USP25: variants seen among roughly 807,000 people sequenced by gnomAD.
USP25 encodes the protein ubiquitin carboxyl-terminal hydrolase 25.
USP25 carries 85 observed loss-of-function variants against 158.5 expected under a neutral mutation model. The observed-to-expected ratio is 0.54, with a 90% CI of 0.45 to 0.64. The LOEUF is 0.64. Ranked by LOEUF, USP25 falls within the 30% of genes least tolerant of loss-of-function variation. The probability of loss-of-function intolerance (pLI) is 0.00; values close to 1 mark genes in which losing one functional copy is unlikely to be tolerated. For missense variants in USP25, 1,242 were observed against 1,327.3 expected (o/e 0.94, Z 1.00); for synonymous variants, 464 against 460.4 (o/e 1.01, Z -0.10).
At chr21:15,792,815 A>C (rs2035662009) in intron 5 of USP25, among the ~76,000 whole-genome samples, 1 of 151,540 alleles carries the variant, frequency 6.6e-6, no homozygotes. Context: ...GCTGTGGTGC[A>C]TCCTAATAAG....
intron 20 of USP25, among the ~76,000 whole-genome samples, chr21:15,858,216 A>T (rs1185887506): frequency 6.6e-6 from 1 of 152,048 alleles, no homozygotes. Context: ...ATCAATTGCC[A>T]CTTCCTTTCC....
intron 20 of USP25, among the ~76,000 whole-genome samples, chr21:15,860,715 G>A (rs1286955890): frequency 1.3e-5 from 2 of 152,016 alleles, no homozygotes; most frequent in African/African-American, 4.8e-5. Flanking sequence ...TTAAAAAATA[G>A]CCCATAAGCA....
intron 4 of USP25, among the ~76,000 whole-genome samples, chr21:15,791,113 T>C (rs991889637): frequency 2.0e-5 from 3 of 151,882 alleles, no homozygotes; most frequent in African/African-American, 7.2e-5. Context: ...TTTAATGTTT[T>C]CTTGATTCAG....
At chr21:15,834,983 T>A (rs1482878204) in intron 17 of USP25, among the ~76,000 whole-genome samples, 1 of 152,240 alleles carries the variant, frequency 6.6e-6, no homozygotes, top group East Asian at 1.9e-4. Flanking sequence ...CTTTCATTTT[T>A]AAAACATTTC....
intron 1 of USP25, among the ~76,000 whole-genome samples, chr21:15,733,757 G>A (rs2031199606): frequency 6.6e-6 from 1 of 152,118 alleles, no homozygotes; most frequent in South Asian, 2.1e-4. Flanking sequence ...CAGGAGAATC[G>A]CTTGAACTCG....
chr21:15,751,320 A>G (rs1301501619), intron 1 of USP25, among the ~76,000 whole-genome samples: 1 of 152,234 alleles, frequency 6.6e-6, no homozygotes, highest in East Asian at 1.9e-4. Context: ...CCAAGAGACC[A>G]TAGGACATAT....
At chr21:15,741,006 G>A (rs1210246661) in intron 1 of USP25, among the ~76,000 whole-genome samples, 2 of 151,846 alleles carry the variant, frequency 1.3e-5, no homozygotes, top group East Asian at 3.9e-4. Context: ...CACAAAATTT[G>A]TCCTGTATCA....
rs369918602 is a variant in USP25 at position 15,766,103 on chromosome 21, A to G, written c.230A>G (p.Asn77Ser). 2.5e-6 allele frequency: 4 copies of G among 1,610,014 alleles called. No individual in the cohort carries two copies. The highest frequency in any genetic ancestry group is 2.7e-5 in the African/African-American group (2 of 74,882). Residue 77 changes from asparagine (N) to serine (S), a missense_variant, in exon 3 of 26, where the codon AAT (asparagine) becomes AGT (serine). Physicochemically the swap from Asn to Ser is conservative, Grantham distance 46. Transcript: ENST00000400183. The surrounding 1 kb of genome is among the most constrained non-coding windows in gnomAD (Gnocchi z 4.0). ...TTYYQTALPGNDRYISVGSQA... is the reference protein window; with the variant it reads ...TTYYQTALPGSDRYISVGSQA... ...TACTACCAAACAGCACTTCCTGGCA[A>G]TGATAGATACATCAGTGTGGGAAGC...
At chr21:15,769,018 T>A (rs1240554153) in intron 3 of USP25, among the ~76,000 whole-genome samples, 5 of 152,126 alleles carry the variant, frequency 3.3e-5, no homozygotes, top group Admixed American at 2.6e-4. Flanking sequence ...TACAATGGAC[T>A]GTTTCTTTTA....
chr21:15,767,438 A>G (rs1218045740), intron 3 of USP25, among the ~76,000 whole-genome samples: 1 of 152,008 alleles, frequency 6.6e-6, no homozygotes, highest in African/African-American at 2.4e-5. Flanking sequence ...GTCTTAATGA[A>G]TACTCTGTTA....
At chr21:15,742,952 C>T (rs773580104) in intron 1 of USP25, among the ~76,000 whole-genome samples, 2 of 152,230 alleles carry the variant, frequency 1.3e-5, no homozygotes, top group Non-Finnish European at 2.9e-5. Flanking sequence ...ATGAGGGGAA[C>T]GTGGTGGAAC....
Position 15,836,345 on chromosome 21 carries a change from C to T in USP25, c.2194+2797C>T, listed in dbSNP as rs549348896. On this transcript the variant is annotated intron_variant, in intron 17 of 25. Coordinates refer to ENST00000400183, the MANE Select transcript of USP25 (RefSeq NM_001283041.3). The stretch of plus-strand genomic sequence containing the variant: ...CTAAAATGTGATCGAGAAATTCATG[C>T]GTATCAGTTCACCAGCACCATTCGT... 1.1e-4 allele frequency among the ~76,000 whole-genome samples: 17 copies of T among 152,268 alleles called. No individual in the cohort carries two copies. In the South Asian group the frequency reaches 1.2e-3, roughly 11 times the overall value.
chr21:15,741,112 C>T (rs995417580), intron 1 of USP25, among the ~76,000 whole-genome samples: 1 of 149,224 alleles, frequency 6.7e-6, no homozygotes. Flanking sequence ...TGGGTCTTCA[C>T]ATCGATTTGT....
At chr21:15,765,388 T>G (rs541086803) in intron 2 of USP25, among the ~76,000 whole-genome samples, 1 of 152,160 alleles carries the variant, frequency 6.6e-6, no homozygotes, top group Non-Finnish European at 1.5e-5. Flanking sequence ...AGCTATACTT[T>G]TGATGAGAAC....
chr21:15,824,317 A>T, intron 11 of USP25, 151 bp downstream of exon 11: 1 of 864,994 alleles, frequency 1.2e-6, no homozygotes, highest in East Asian at 3.0e-5. Flanking sequence ...GATGAAATTT[A>T]CTTTGTATTA....
rs192927567 is a variant in USP25 at position 15,863,588 on chromosome 21, G to A, written c.2548-680G>A. Among the ~76,000 whole-genome samples, 502 of 152,186 alleles carry A rather than the reference G, an allele frequency of 3.3e-3. 17 individuals are homozygous for A. The highest frequency in any genetic ancestry group is 0.031 in the Admixed American group (467 of 15,282). Reference sequence around the variant, plus strand: ...GATGCTTAGAAAGGTAAAACAGAACGGGAAAACTTACCATCTCCATCTTAT... The same window carrying A: ...GATGCTTAGAAAGGTAAAACAGAACAGGAAAACTTACCATCTCCATCTTAT... On this transcript the variant is annotated intron_variant, in intron 20 of 25. Transcript: ENST00000400183.
chr21:15,763,022 C>T (rs368036507), intron 2 of USP25, 54 bp downstream of exon 2: 17 of 1,474,468 alleles, frequency 1.2e-5, no homozygotes, highest in South Asian at 6.6e-5. Flanking sequence ...ATCTCTAGTG[C>T]GTATTATATT....
In USP25 at chr21:15,791,587, G is replaced by A. The variant is rs764743829; in HGVS notation, c.478G>A (p.Asp160Asn). 6.2e-7 allele frequency: 1 copy of A among 1,611,740 alleles called. No individual in the cohort carries two copies. Residue 160 changes from aspartate (D) to asparagine (N), a missense_variant, in exon 5 of 26, where the codon GAT becomes AAT. Coordinates refer to ENST00000400183, the MANE Select transcript of USP25 (RefSeq NM_001283041.3). ...TTGGAGGGATTCTCGAAACCCTTAT[G>A]ATAGAAAAAGACAGGACAAAGCTCC... ...EVWRDSRNPYDRKRQDKAPVG... is the reference protein window; with the variant it reads ...EVWRDSRNPYNRKRQDKAPVG...
intron 2 of USP25, among the ~76,000 whole-genome samples, chr21:15,765,714 T>G (rs2034001413): frequency 1.3e-5 from 2 of 152,090 alleles, no homozygotes; most frequent in Admixed American, 6.6e-5. Flanking sequence ...AGTATAAGTT[T>G]GTGATTCACT....
Sources: allele counts gnomAD v4.1 joint callset (sites outside exome capture counted in the v4.1 genomes callset), GRCh38; gene constraint gnomAD v4.1.1; non-coding constraint Gnocchi (gnomAD v3.1); transcripts MANE v1.5; gene names NCBI Gene and HGNC (gene_info 2026-07-23, HGNC 2026-07-21).